Variants in DNAJB6 observed in about 807,000 individuals in gnomAD.
The protein encoded by DNAJB6 is dnaJ homolog subfamily B member 6.
In DNAJB6, 16 loss-of-function variants were observed where a neutral mutation model predicts 42.7. The observed-to-expected ratio is 0.37, with a 90% confidence interval of 0.25 to 0.57. The LOEUF (loss-of-function observed/expected upper bound fraction) is 0.57, where lower values mean the gene tolerates loss of function less well. Ranked by LOEUF, DNAJB6 falls within the 20% of genes least tolerant of loss-of-function variation. DNAJB6 has a pLI of 0.74. For missense variants in DNAJB6, 347 were observed against 416.8 expected (o/e 0.83, Z 1.46); for synonymous variants, 170 against 163.5 (o/e 1.04, Z -0.30).
chr7:157,409,723 C>G (rs1261184442), intron 8 of DNAJB6, 72 bp from the exon 9 acceptor site: 1 of 1,431,622 alleles, frequency 7.0e-7, no homozygotes, highest in Admixed American at 2.5e-5. Context: ...GCCAGCTTCC[C>G]TCCCTCTGCT....
chr7:157,349,232 A>T (rs1407949777), intron 1 of DNAJB6, among the ~76,000 whole-genome samples: 3 of 152,082 alleles, frequency 2.0e-5, no homozygotes, highest in Admixed American at 6.6e-5. Flanking sequence ...GATGACTTTT[A>T]TTATTTCCAA....
chr7:157,364,567 C>T (rs1049938905), intron 3 of DNAJB6, among the ~76,000 whole-genome samples: 4 of 152,108 alleles, frequency 2.6e-5, no homozygotes, highest in African/African-American at 9.7e-5. Flanking sequence ...AGGCTTGTTC[C>T]CTTAGATTTG....
intron 1 of DNAJB6, among the ~76,000 whole-genome samples, chr7:157,344,661 C>T (rs866678203): frequency 3.4e-4 from 52 of 152,216 alleles, no homozygotes; most frequent in Middle Eastern, 3.4e-3. Flanking sequence ...GTTACGTAGG[C>T]TGGAGGGCAT....
At chr7:157,404,346 A>C (rs1795665529) in intron 8 of DNAJB6, among the ~76,000 whole-genome samples, 1 of 151,158 alleles carries the variant, frequency 6.6e-6, no homozygotes, top group Non-Finnish European at 1.5e-5. Flanking sequence ...GCTGGAGTGC[A>C]GTGGTGCGAT....
At chr7:157,369,219 A>G (rs1368086966) in intron 5 of DNAJB6, 8 of 453,364 alleles carry the variant, frequency 1.8e-5, no homozygotes, top group African/African-American at 1.2e-4. Flanking sequence ...AGAAAGAACC[A>G]TGTTTACATC....
At chr7:157,410,724 A>AC (rs1343651081) in intron 9 of DNAJB6, 1 of 151,576 alleles carries the variant, frequency 6.6e-6, no homozygotes, top group Admixed American at 6.6e-5. Flanking sequence ...CGGTGAGGTG[A>AC]CCCCAGCCGC....
intron 8 of DNAJB6, among the ~76,000 whole-genome samples, chr7:157,400,875 C>T (rs1801828537): frequency 1.3e-5 from 2 of 152,170 alleles, no homozygotes; most frequent in African/African-American, 2.4e-5. Flanking sequence ...GCTGGAGTCC[C>T]CACCCTGGCC....
At chr7:157,355,250 C>T (rs1050403074) in intron 1 of DNAJB6, among the ~76,000 whole-genome samples, 2 of 152,202 alleles carry the variant, frequency 1.3e-5, no homozygotes, top group African/African-American at 4.8e-5. Context: ...GGCTCCGCCT[C>T]CCGGGGTTCA....
intron 9 of DNAJB6, chr7:157,410,865 C>A (rs117511321): frequency 6.6e-6 from 1 of 152,154 alleles, no homozygotes; most frequent in Non-Finnish European, 1.5e-5. Context: ...AAGGGGGAAG[C>A]GTCTCTCCTT....
At chr7:157,390,129 G>A (rs1330360132) in intron 8 of DNAJB6, among the ~76,000 whole-genome samples, 1 of 152,258 alleles carries the variant, frequency 6.6e-6, no homozygotes, top group African/African-American at 2.4e-5. Flanking sequence ...AACCCAGATG[G>A]TGGTTGCTGT....
chr7:157,348,536 C>G (rs900969416), intron 1 of DNAJB6, among the ~76,000 whole-genome samples: 1 of 152,196 alleles, frequency 6.6e-6, no homozygotes, highest in South Asian at 2.1e-4. Context: ...AATAGCTCTC[C>G]TGTCTGCGCT....
chr7:157,400,916 G>T (rs1003163358), intron 8 of DNAJB6, among the ~76,000 whole-genome samples: 3 of 152,214 alleles, frequency 2.0e-5, no homozygotes, highest in Non-Finnish European at 4.4e-5. Flanking sequence ...GTGTGGCTGT[G>T]ACCCCGGACT....
chr7:157,369,936 CGGG>C (rs1563128592), intron 5 of DNAJB6, among the ~76,000 whole-genome samples: 127 of 131,860 alleles, frequency 9.6e-4, no homozygotes, highest in African/African-American at 3.7e-3. Context: ...TATTATTAAA[CGGG>C]ACCCTTCTTA....
At chr7:157,387,281 C>T (rs1801113380) in intron 8 of DNAJB6, among the ~76,000 whole-genome samples, 1 of 152,200 alleles carries the variant, frequency 6.6e-6, no homozygotes, top group Admixed American at 6.5e-5. Context: ...GAGTGATGTG[C>T]TTGTCTGTTG....
chr7:157,376,106 A>G (rs1303388381), intron 5 of DNAJB6, among the ~76,000 whole-genome samples: 1 of 152,128 alleles, frequency 6.6e-6, no homozygotes, highest in Admixed American at 6.5e-5. Flanking sequence ...TTCGTTGTGA[A>G]GCTGTTCCTG....
At chr7:157,374,952 G>A (rs1444889302) in intron 5 of DNAJB6, among the ~76,000 whole-genome samples, 1 of 152,186 alleles carries the variant, frequency 6.6e-6, no homozygotes, top group Non-Finnish European at 1.5e-5. Flanking sequence ...TTGGGTTTTC[G>A]CATCATCTGT....
intron 6 of DNAJB6, 65 bp downstream of exon 6, chr7:157,382,442 A>C: frequency 6.6e-7 from 1 of 1,512,110 alleles, no homozygotes; most frequent in South Asian, 1.3e-5. Context: ...AAATCATAAT[A>C]CTCTTTTAGT....
rs544756963 is a variant in DNAJB6, at chr7:157,407,334, C to T, written c.692-2461C>T. Among the ~76,000 whole-genome samples, 7 of 152,326 alleles carry T rather than the reference C, an allele frequency of 4.6e-5. No homozygotes were observed. The South Asian group carries it at 1.2e-3, about 27-fold the overall frequency. ...CTTCTGGCGGCAGTGACAGAGCTCA[C>T]GCTGCATCGCTGTGCCCCGGGGAAG... On this transcript the variant is annotated intron_variant, in intron 8 of 9. Coordinates refer to ENST00000262177, the MANE Select transcript of DNAJB6 (RefSeq NM_058246.4).
chr7:157,360,039 A>T (rs1267596045), intron 2 of DNAJB6, among the ~76,000 whole-genome samples: 1 of 152,240 alleles, frequency 6.6e-6, no homozygotes, highest in Non-Finnish European at 1.5e-5. Flanking sequence ...TTGACAGATT[A>T]TAAGACGAAG....
Sources: gnomAD v4.1 joint callset for allele counts (sites outside exome capture counted in the v4.1 genomes callset) on GRCh38, gnomAD v4.1.1 for gene constraint, MANE v1.5 for transcripts, NCBI Gene and HGNC (gene_info 2026-07-23, HGNC 2026-07-21) for gene names.